The following ZFAND3 variants were observed in gnomAD, a reference collection of about 807,000 sequenced individuals.
The protein encoded by ZFAND3 is AN1-type zinc finger protein 3.
ZFAND3 carries 10 observed loss-of-function variants against 29.6 expected under a neutral mutation model. The observed-to-expected ratio is 0.34, with a 90% CI of 0.21 to 0.57. ZFAND3 has a LOEUF of 0.57. Among genes scored for constraint, ZFAND3 ranks in the 20% least tolerant of loss-of-function variants. ZFAND3 has a pLI of 0.86. For missense variants in ZFAND3, 230 were observed against 304.5 expected (o/e 0.76, Z 1.82); for synonymous variants, 128 against 112.6 (o/e 1.14, Z -0.87).
At chr6:38,021,124 A>G (rs1763341651) in intron 2 of ZFAND3, among the ~76,000 whole-genome samples, 1 of 152,244 alleles carries the variant, frequency 6.6e-6, no homozygotes, top group Admixed American at 6.5e-5. Context: ...GAAAAAGCAC[A>G]TATTGGAGGA....
chr6:37,951,556 C>G (rs1034141654), intron 2 of ZFAND3, among the ~76,000 whole-genome samples: 3 of 152,122 alleles, frequency 2.0e-5, no homozygotes, highest in Non-Finnish European at 1.5e-5. Context: ...GATTGTGCCA[C>G]TGCACTCCAG....
At chr6:38,032,924 G>A (rs189131268) in intron 2 of ZFAND3, among the ~76,000 whole-genome samples, 11 of 152,278 alleles carry the variant, frequency 7.2e-5, no homozygotes, top group Admixed American at 5.9e-4. Flanking sequence ...GTGTATGAAT[G>A]TACTATGCAG....
chr6:38,042,736 A>T (rs575761611), intron 2 of ZFAND3, among the ~76,000 whole-genome samples: 1 of 152,354 alleles, frequency 6.6e-6, no homozygotes, highest in African/African-American at 2.4e-5. Flanking sequence ...TTCAGGACTA[A>T]TAGTTCACAA....
intron 1 of ZFAND3, among the ~76,000 whole-genome samples, chr6:37,855,070 T>C (rs1445028474): frequency 6.7e-6 from 1 of 148,994 alleles, no homozygotes; most frequent in Non-Finnish European, 1.5e-5. Flanking sequence ...TGATCCCCTC[T>C]GATATCAACA....
chr6:37,893,240 C>T (rs570714904), intron 1 of ZFAND3, among the ~76,000 whole-genome samples: 3 of 152,156 alleles, frequency 2.0e-5, no homozygotes, highest in East Asian at 1.9e-4. Flanking sequence ...GAATTGTATC[C>T]CATGACTAAG....
chr6:37,896,682 C>CTGTG (rs35744542), intron 1 of ZFAND3, among the ~76,000 whole-genome samples: 33 of 142,456 alleles, frequency 2.3e-4, no homozygotes, highest in East Asian at 6.1e-4. Context: ...GTGTGTGTGT[C>CTGTG]TGTGTGTGTG....
intron 2 of ZFAND3, among the ~76,000 whole-genome samples, chr6:38,012,503 C>T (rs575586079): frequency 1.4e-4 from 22 of 151,884 alleles, no homozygotes; most frequent in South Asian, 1.2e-3. Flanking sequence ...CTCAGCTTCC[C>T]GAGTAGCTGG....
intron 2 of ZFAND3, among the ~76,000 whole-genome samples, chr6:37,937,941 C>T (rs1361270809): frequency 6.6e-6 from 1 of 152,064 alleles, no homozygotes; most frequent in East Asian, 1.9e-4. Flanking sequence ...TTCAGAATAT[C>T]CACAAACCCA....
At chr6:37,970,140 A>AATG (rs1762360948) in intron 2 of ZFAND3, among the ~76,000 whole-genome samples, 1 of 152,110 alleles carries the variant, frequency 6.6e-6, no homozygotes, top group Non-Finnish European at 1.5e-5. Context: ...ATAAATGAAT[A>AATG]AATGAATAAA....
chr6:38,135,754 A>C lies in ZFAND3; in HGVS notation c.530-16481A>C, dbSNP rs575613481. On this transcript the variant is annotated intron_variant, in intron 5 of 5. Coordinates refer to ENST00000287218, the MANE Select transcript of ZFAND3 (RefSeq NM_021943.3). ...AGCAAGACTCCATCTCAATTAAAAAAAAAACAAACAAAAAAAACACGTTTC... is the reference window on the plus strand; with the variant it reads ...AGCAAGACTCCATCTCAATTAAAAACAAAACAAACAAAAAAAACACGTTTC... 6.0e-5 allele frequency among the ~76,000 whole-genome samples: 9 copies of C among 150,564 alleles called. No individual in the cohort carries two copies. The East Asian group carries it at 1.5e-3, about 26-fold the overall frequency.
chr6:37,826,567 A>G (rs919115469), intron 1 of ZFAND3, among the ~76,000 whole-genome samples: 2 of 152,134 alleles, frequency 1.3e-5, no homozygotes, highest in African/African-American at 4.8e-5. Flanking sequence ...CAGCCTGAAC[A>G]ACATGGTGAA....
chr6:38,104,125 G>C (rs892668759), intron 4 of ZFAND3, among the ~76,000 whole-genome samples: 3 of 152,204 alleles, frequency 2.0e-5, no homozygotes, highest in African/African-American at 7.2e-5. Flanking sequence ...TAGCCTGACA[G>C]GTTCCACTGA....
intron 4 of ZFAND3, among the ~76,000 whole-genome samples, chr6:38,103,392 C>CT (rs1311187513): frequency 6.8e-6 from 1 of 147,278 alleles, no homozygotes; most frequent in East Asian, 2.0e-4. Flanking sequence ...TATACACACA[C>CT]ACATATATAT....
intron 2 of ZFAND3, 147 bp from the exon 3 acceptor site, chr6:38,061,446 G>A: frequency 1.1e-6 from 1 of 951,906 alleles, no homozygotes; most frequent in Non-Finnish European, 1.5e-6. Context: ...TTTTTGACCA[G>A]TGTTTTACTC....
At chr6:38,142,516 T>C (rs1007309320) in intron 5 of ZFAND3, among the ~76,000 whole-genome samples, 1 of 152,234 alleles carries the variant, frequency 6.6e-6, no homozygotes, top group Non-Finnish European at 1.5e-5. Flanking sequence ...TACTTTAACT[T>C]TGGAGCTGGT....
intron 2 of ZFAND3, among the ~76,000 whole-genome samples, chr6:37,995,674 T>G (rs1762837465): frequency 6.6e-6 from 1 of 152,210 alleles, no homozygotes; most frequent in Non-Finnish European, 1.5e-5. Flanking sequence ...ACCTCTTCCT[T>G]AAATGAAATT....
In ZFAND3 at chr6:38,144,194, TATA is replaced by T. The variant is rs1766032718; in HGVS notation, c.530-8040_530-8038del. On this transcript the variant is annotated intron_variant, in intron 5 of 5. Transcript: ENST00000287218. ...GTGATATATATATATAATATATATA[TATA>T]TATATATATATATAATATATAATAT... Among the ~76,000 whole-genome samples the T allele has an allele frequency of 2.5e-4, 8 of 32,262 alleles. 1 individual carries two copies. The highest frequency in any genetic ancestry group is 1.1e-3 in the African/African-American group (8 of 7,274). 21.2% of individuals were successfully genotyped at this position (32,262 alleles called of 152,430 possible). A position where few individuals can be genotyped will look rare whatever the true frequency, so the allele number is the denominator to read the frequency against.
At chr6:37,828,853 T>C (rs1763807187) in intron 1 of ZFAND3, among the ~76,000 whole-genome samples, 1 of 152,136 alleles carries the variant, frequency 6.6e-6, no homozygotes, top group Non-Finnish European at 1.5e-5. Context: ...GGTTTCACCG[T>C]GTTAGCCAGG....
intron 2 of ZFAND3, among the ~76,000 whole-genome samples, chr6:38,011,089 T>C (rs2127443680): frequency 6.6e-6 from 1 of 152,178 alleles, no homozygotes; most frequent in African/African-American, 2.4e-5. Context: ...TATACAGTTG[T>C]GTCTGGCTTG....
Sources: allele counts gnomAD v4.1 joint callset (sites outside exome capture counted in the v4.1 genomes callset), GRCh38; gene constraint gnomAD v4.1.1; transcripts MANE v1.5; gene names NCBI Gene and HGNC (gene_info 2026-07-23, HGNC 2026-07-21).